Variants in PCDH9 observed in about 807,000 individuals in gnomAD.
PCDH9 encodes the protein protocadherin-9.
In PCDH9, 24 loss-of-function variants were observed where a neutral mutation model predicts 70.6. The observed-to-expected ratio is 0.34, with a 90% confidence interval of 0.25 to 0.48. The LOEUF (loss-of-function observed/expected upper bound fraction) is 0.48. Ranked by LOEUF, PCDH9 falls within the 20% of genes least tolerant of loss-of-function variation. The probability of loss-of-function intolerance (pLI) is 0.99; values close to 1 mark genes in which losing one functional copy is unlikely to be tolerated. For synonymous variants in PCDH9, 562 were observed against 558.5 expected (o/e 1.01, Z -0.09); for missense variants, 1,281 against 1,503.6 (o/e 0.85, Z 2.45).
At chr13:66,958,487 A>G (rs1471852402) in intron 2 of PCDH9, among the ~76,000 whole-genome samples, 1 of 152,188 alleles carries the variant, frequency 6.6e-6, no homozygotes, top group Non-Finnish European at 1.5e-5. Flanking sequence ...AAGATGGGGA[A>G]TCAGTAACAT....
chr13:67,148,583 A>G (rs891213292), intron 2 of PCDH9, among the ~76,000 whole-genome samples: 1 of 152,188 alleles, frequency 6.6e-6, no homozygotes, highest in East Asian at 1.9e-4. Context: ...CTTTTTTTTA[A>G]TTACCACTTT....
At chr13:66,393,744 G>C (rs538955884) in intron 4 of PCDH9, among the ~76,000 whole-genome samples, 2 of 152,266 alleles carry the variant, frequency 1.3e-5, no homozygotes, top group African/African-American at 4.8e-5. Flanking sequence ...CTGAAGATAA[G>C]GACTTGTTTC....
intron 4 of PCDH9, among the ~76,000 whole-genome samples, chr13:66,569,338 A>G (rs1217278987): frequency 1.3e-5 from 2 of 152,012 alleles, no homozygotes; most frequent in South Asian, 2.1e-4. Context: ...TTTTAAAACA[A>G]TTAGAAAGGG....
At chr13:67,031,838 T>A (rs1442442241) in intron 2 of PCDH9, among the ~76,000 whole-genome samples, 4 of 152,212 alleles carry the variant, frequency 2.6e-5, no homozygotes, top group Non-Finnish European at 5.9e-5. Flanking sequence ...TGTAGCAGAT[T>A]CATTGTTCCA....
intron 4 of PCDH9, among the ~76,000 whole-genome samples, chr13:66,373,698 G>A (rs1005511055): frequency 6.6e-6 from 1 of 151,990 alleles, no homozygotes; most frequent in East Asian, 1.9e-4. Flanking sequence ...ATAAGGAAGA[G>A]AAAATTTGAT....
intron 4 of PCDH9, among the ~76,000 whole-genome samples, chr13:66,407,859 T>C (rs1957306288): frequency 6.6e-6 from 1 of 152,152 alleles, no homozygotes; most frequent in Non-Finnish European, 1.5e-5. Flanking sequence ...TAAAACTACA[T>C]GTACTTTAAT....
At chr13:67,174,133 G>A (rs1473778701) in intron 2 of PCDH9, among the ~76,000 whole-genome samples, 1 of 151,880 alleles carries the variant, frequency 6.6e-6, no homozygotes, top group Non-Finnish European at 1.5e-5. Flanking sequence ...ATTATTTGTG[G>A]GGAAATTAAA....
chr13:66,388,600 A>G (rs2138261996), intron 4 of PCDH9, among the ~76,000 whole-genome samples: 1 of 152,288 alleles, frequency 6.6e-6, no homozygotes, highest in South Asian at 2.1e-4. Context: ...TGAAAGAAAA[A>G]TGTTCATGCC....
At chr13:67,033,229 A>T (rs2084941685) in intron 2 of PCDH9, among the ~76,000 whole-genome samples, 1 of 152,186 alleles carries the variant, frequency 6.6e-6, no homozygotes, top group Non-Finnish European at 1.5e-5. Flanking sequence ...AAACAGGATA[A>T]TGAAATGTTT....
chr13:66,709,520 A>C (rs1225051526), intron 3 of PCDH9, among the ~76,000 whole-genome samples: 1 of 152,190 alleles, frequency 6.6e-6, no homozygotes, highest in African/African-American at 2.4e-5. Context: ...AGGTAAGTAC[A>C]TGAATTAACC....
chr13:66,421,897 CT>C (rs1957574615), intron 4 of PCDH9, among the ~76,000 whole-genome samples: 1 of 152,152 alleles, frequency 6.6e-6, no homozygotes, highest in Non-Finnish European at 1.5e-5. Context: ...CATCGGTGTG[CT>C]GTATTCAGGA....
chr13:66,630,906 GT>G, intron 4 of PCDH9: 1 of 234,378 alleles, frequency 4.3e-6, no homozygotes, highest in South Asian at 1.1e-4. Context: ...TCTAAAATGT[GT>G]TCAAATTTCA....
chr13:66,994,385 G>C (rs1264780692), intron 2 of PCDH9, among the ~76,000 whole-genome samples: 2 of 152,192 alleles, frequency 1.3e-5, no homozygotes, highest in African/African-American at 4.8e-5. Context: ...TCTCCCTCTA[G>C]CGTGCCCTAC....
At chr13:66,319,858 C>A (rs1955721710) in intron 4 of PCDH9, among the ~76,000 whole-genome samples, 1 of 152,044 alleles carries the variant, frequency 6.6e-6, no homozygotes, top group African/African-American at 2.4e-5. Flanking sequence ...AGATAACCTT[C>A]CAATTGTTAT....
At chr13:66,856,598 C>G (rs541389060) in intron 3 of PCDH9, among the ~76,000 whole-genome samples, 1 of 152,080 alleles carries the variant, frequency 6.6e-6, no homozygotes, top group East Asian at 1.9e-4. Flanking sequence ...AATCAAGAGT[C>G]CCCATTAAAA....
intron 4 of PCDH9, among the ~76,000 whole-genome samples, chr13:66,514,317 T>G (rs945022858): frequency 6.6e-6 from 1 of 152,142 alleles, no homozygotes; most frequent in South Asian, 2.1e-4. Flanking sequence ...TATTGGGATA[T>G]TCACCTTGTT....
chr13:67,171,407 T>C (rs1421454990), intron 2 of PCDH9, among the ~76,000 whole-genome samples: 1 of 152,144 alleles, frequency 6.6e-6, no homozygotes, highest in Non-Finnish European at 1.5e-5. Flanking sequence ...CACCAATCAT[T>C]AACCCTCACT....
At chr13:66,835,558 A>T (rs1478981162) in intron 3 of PCDH9, among the ~76,000 whole-genome samples, 1 of 152,228 alleles carries the variant, frequency 6.6e-6, no homozygotes, top group African/African-American at 2.4e-5. Context: ...GATGATCTGC[A>T]GTTCTATTTT....
chr13:66,749,940 T>G (rs150853121), intron 3 of PCDH9, among the ~76,000 whole-genome samples: 1 of 152,148 alleles, frequency 6.6e-6, no homozygotes, highest in South Asian at 2.1e-4. Flanking sequence ...GATAAATGCA[T>G]ATAATTTTGA....
Sources: gnomAD v4.1 joint callset for allele counts (sites outside exome capture counted in the v4.1 genomes callset) on GRCh38, gnomAD v4.1.1 for gene constraint, MANE v1.5 for transcripts, NCBI Gene and HGNC (gene_info 2026-07-23, HGNC 2026-07-21) for gene names.